The following CREB5 variants were observed in gnomAD, a reference collection of about 807,000 sequenced individuals.
CREB5 encodes cAMP responsive element binding protein 5.
CREB5 carries 19 observed loss-of-function variants against 57.1 expected under a neutral mutation model. The ratio of observed to expected loss-of-function variants is 0.33; its 90% CI spans 0.23 to 0.49. CREB5 has a LOEUF of 0.49. Among genes scored for constraint, CREB5 ranks in the 20% least tolerant of loss-of-function variants. The pLI is 0.99. For synonymous variants in CREB5, 238 were observed against 238.3 expected (o/e 1.00, Z 0.01); for missense variants, 579 against 671.6 (o/e 0.86, Z 1.52).
At chr7:28,369,665 G>A (rs1245399219) in intron 1 of CREB5, among the ~76,000 whole-genome samples, 1 of 152,124 alleles carries the variant, frequency 6.6e-6, no homozygotes, top group Non-Finnish European at 1.5e-5. Flanking sequence ...TTGTCCAATG[G>A]CCAGTGGCAG....
chr7:28,804,634 C>G, intron 8 of CREB5, 112 bp downstream of exon 8: 5 of 1,338,656 alleles, frequency 3.7e-6, no homozygotes, highest in Non-Finnish European at 5.2e-6. Flanking sequence ...GGTGTTCTAT[C>G]TCACATTCTA....
intron 1 of CREB5, among the ~76,000 whole-genome samples, chr7:28,363,070 A>G (rs972436509): frequency 2.6e-5 from 4 of 152,224 alleles, no homozygotes; most frequent in Non-Finnish European, 5.9e-5. Flanking sequence ...AGAAGCAGCC[A>G]TTGTGTATCA....
At chr7:28,506,746 G>A (rs912918883) in intron 3 of CREB5, among the ~76,000 whole-genome samples, 8 of 152,218 alleles carry the variant, frequency 5.3e-5, no homozygotes, top group African/African-American at 1.7e-4. Flanking sequence ...TGCACTCAAT[G>A]ACGATGGAAG....
upstream of CREB5, chr7:28,409,245 C>T (rs1787666080): frequency 6.6e-6 from 1 of 151,474 alleles, no homozygotes; most frequent in South Asian, 2.1e-4. This position sits in a 1 kb window ranked among gnomAD's most constrained non-coding sequence, Gnocchi z 4.4. Context: ...ACGCGCCGGC[C>T]CCGCCCCTCG....
intron 9 of CREB5, among the ~76,000 whole-genome samples, chr7:28,815,599 A>G (rs1347419733): frequency 6.6e-6 from 1 of 152,212 alleles, no homozygotes; most frequent in Non-Finnish European, 1.5e-5. Context: ...GCCAAATATC[A>G]TAGGCAGTTA....
intron 5 of CREB5, among the ~76,000 whole-genome samples, chr7:28,648,303 A>C (rs907459609): frequency 2.0e-5 from 3 of 152,188 alleles, no homozygotes; most frequent in Non-Finnish European, 2.9e-5. Flanking sequence ...TTTGAAGAGG[A>C]GATATAAAGA....
intron 3 of CREB5, among the ~76,000 whole-genome samples, chr7:28,497,273 C>G (rs141484066): frequency 2.0e-5 from 3 of 152,198 alleles, no homozygotes; most frequent in Non-Finnish European, 4.4e-5. Flanking sequence ...AACACTGAAA[C>G]GAAGCATTCT....
intron 9 of CREB5, among the ~76,000 whole-genome samples, chr7:28,816,073 A>ACG (rs1331675955): frequency 6.6e-6 from 1 of 151,900 alleles, no homozygotes; most frequent in Non-Finnish European, 1.5e-5. Context: ...ACACACACAC[A>ACG]CACACACACA....
intron 7 of CREB5, among the ~76,000 whole-genome samples, chr7:28,735,210 T>C (rs1803905937): frequency 1.3e-5 from 2 of 152,226 alleles, no homozygotes; most frequent in African/African-American, 4.8e-5. Context: ...AGCTTAAGCT[T>C]TCTGATTTTT....
In CREB5 at chr7:28,724,443, G is replaced by A. The variant is rs530408360; in HGVS notation, c.702+111G>A. On this transcript the variant is annotated intron_variant, in intron 7 of 10. Coordinates refer to ENST00000357727, the MANE Select transcript of CREB5 (RefSeq NM_182898.4). ...AGGTAGAGGGCTCCATCTTTGTTTT[G>A]GTGAATGAAAGGCAGTGCAGAGACT... 7.9e-6 allele frequency: 7 copies of A among 888,366 alleles called. No individual in the cohort carries two copies. In the African/African-American group the frequency reaches 1.2e-4, roughly 15 times the overall value. 55.0% of individuals were successfully genotyped at this position (888,366 alleles called of 1,614,324 possible). A position where few individuals can be genotyped will look rare whatever the true frequency, so the allele number is the denominator to read the frequency against.
rs114503959 is a variant in CREB5, at chr7:28,643,334, C to G, written c.464+72797C>G. ...GGGCATATTTGTCCAAGGTCACCGA[C>G]AGGGTGAATTATATGGGTCAAATTT... On this transcript the variant is annotated intron_variant, in intron 5 of 10. Coordinates refer to ENST00000357727, the MANE Select transcript of CREB5 (RefSeq NM_182898.4). 2.5e-3 allele frequency among the ~76,000 whole-genome samples: 380 copies of G among 152,280 alleles called. 1 individual carries two copies. The highest frequency in any genetic ancestry group is 8.5e-3 in the African/African-American group (355 of 41,554).
chr7:28,685,976 G>A (rs1800876001), intron 5 of CREB5: 1 of 615,198 alleles, frequency 1.6e-6, no homozygotes, highest in Non-Finnish European at 2.8e-6. Context: ...GCGAGACCAG[G>A]AGAAAGAGAG....
At chr7:28,361,329 CAT>C (rs1786475276) in intron 1 of CREB5, among the ~76,000 whole-genome samples, 1 of 152,176 alleles carries the variant, frequency 6.6e-6, no homozygotes, top group African/African-American at 2.4e-5. Flanking sequence ...CCTAATTTTA[CAT>C]GAGTCAATGT....
At chr7:28,708,587 G>C (rs952822786) in intron 5 of CREB5, among the ~76,000 whole-genome samples, 1 of 152,204 alleles carries the variant, frequency 6.6e-6, no homozygotes, top group South Asian at 2.1e-4. Context: ...CTGCCGGGAA[G>C]ATCCAATAGA....
chr7:28,742,501 G>A (rs545749496), intron 7 of CREB5, among the ~76,000 whole-genome samples: 1 of 152,046 alleles, frequency 6.6e-6, no homozygotes, highest in East Asian at 1.9e-4. Flanking sequence ...GGGAGGCGGA[G>A]CTTGCAGTGA....
intron 1 of CREB5, among the ~76,000 whole-genome samples, chr7:28,464,996 A>C (rs1016326977): frequency 1.3e-5 from 2 of 152,236 alleles, no homozygotes; most frequent in Non-Finnish European, 2.9e-5. Flanking sequence ...TAACCTGGAC[A>C]CTTAGAGTAG....
intron 1 of CREB5, among the ~76,000 whole-genome samples, chr7:28,445,610 G>T (rs187986326): frequency 6.6e-6 from 1 of 151,718 alleles, no homozygotes; most frequent in African/African-American, 2.4e-5. Context: ...GGAGTGCAGT[G>T]GCGCGATCTC....
chr7:28,600,489 GTTTAA>G (rs1331417325), intron 5 of CREB5, among the ~76,000 whole-genome samples: 1 of 152,122 alleles, frequency 6.6e-6, no homozygotes, highest in Admixed American at 6.6e-5. Flanking sequence ...GCTAATATTT[GTTTAA>G]TTTAATTATG....
rs1809957514 is a variant in CREB5 at position 28,824,513 on chromosome 7, A to G, written c.*5234A>G. The stretch of plus-strand genomic sequence containing the variant: ...TAACATAATTAGGGACAGCACCTCT[A>G]TTTCACAATTATAATCTAAGGTAGG... On this transcript the variant is annotated 3_prime_UTR_variant, in exon 11 of 11. Transcript: ENST00000357727. 1 of 152,632 alleles carries G rather than the reference A, an allele frequency of 6.6e-6. No homozygotes were observed. The highest frequency in any genetic ancestry group is 1.5e-5 in the Non-Finnish European group (1 of 68,036). The allele number at this position is 152,632 out of a possible 1,614,324, so 9.5% of individuals were successfully genotyped here. A position where few individuals can be genotyped will look rare whatever the true frequency, so the allele number is the denominator to read the frequency against.
Sources: allele counts gnomAD v4.1 joint callset (sites outside exome capture counted in the v4.1 genomes callset), GRCh38; gene constraint gnomAD v4.1.1; non-coding constraint Gnocchi (gnomAD v3.1); transcripts MANE v1.5; gene names NCBI Gene and HGNC (gene_info 2026-07-23, HGNC 2026-07-21).